Variants in CYTL1 observed in about 807,000 individuals in gnomAD.
CYTL1 encodes cytokine-like protein 1.
CYTL1 carries 17 observed loss-of-function variants against 13.1 expected under a neutral mutation model. That is an observed-to-expected ratio of 1.29 (90% CI 0.89 to 1.94). The LOEUF (loss-of-function observed/expected upper bound fraction) is 1.94, where lower values mean the gene tolerates loss of function less well. CYTL1 is among the 30% of genes most tolerant of loss of function. The probability of loss-of-function intolerance (pLI) is 0.00; values close to 1 mark genes in which losing one functional copy is unlikely to be tolerated. For missense variants in CYTL1, 213 were observed against 174.8 expected, an observed-to-expected ratio of 1.22 and a Z score of -1.23; for synonymous variants, 91 against 79.4, an observed-to-expected ratio of 1.15 and a Z score of -0.78.
At chr4:5,017,289 T>A in intron 1 of CYTL1, 110 bp from the exon 2 acceptor site, 1 of 971,478 alleles carries the variant, frequency 1.0e-6, no homozygotes, top group Non-Finnish European at 1.6e-6. Context: ...CCTGGGGCCC[T>A]CCCTGATGCT....
chr4:5,016,917 C>T lies in CYTL1; in HGVS notation c.246G>A (p.Pro82=), dbSNP rs56264174. Residue 82 remains proline (P), a synonymous_variant, in exon 3 of 4, where the codon CCG becomes CCA. Coordinates refer to ENST00000307746, the MANE Select transcript of CYTL1 (RefSeq NM_018659.3). ...DKLRDFVASP[P]CWKVAQVDSL... is the part of the protein sequence containing the mutation. Reference sequence around the variant, plus strand: ...AATCTACCTGGGCCACTTTCCAACACGGGGGCGAGGCCACAAAGTCCCGCA... The same window carrying T: ...AATCTACCTGGGCCACTTTCCAACATGGGGGCGAGGCCACAAAGTCCCGCA... 4,587 of 1,614,156 alleles carry T rather than the reference C, an allele frequency of 2.8e-3. 101 individuals are homozygous for T. The African/African-American group carries it at 0.048, about 17-fold the overall frequency.
intron 1 of CYTL1, 35 bp downstream of exon 1, chr4:5,019,258 C>T: frequency 7.1e-7 from 1 of 1,411,950 alleles, no homozygotes; most frequent in Non-Finnish European, 9.3e-7. Context: ...CTGGGTCTGC[C>T]ATGCACCCCT....
chr4:5,018,238 T>C (rs995650225), intron 1 of CYTL1, among the ~76,000 whole-genome samples: 1 of 152,172 alleles, frequency 6.6e-6, no homozygotes, highest in Non-Finnish European at 1.5e-5. Context: ...CGTATTTGAA[T>C]ACCTATATGT....
intron 1 of CYTL1, among the ~76,000 whole-genome samples, chr4:5,018,040 C>T (rs1741116073): frequency 6.6e-6 from 1 of 152,148 alleles, no homozygotes; most frequent in South Asian, 2.1e-4. Context: ...AATCAGATTC[C>T]TTTAAAAGAT....
chr4:5,017,771 G>A (rs963621657), intron 1 of CYTL1, among the ~76,000 whole-genome samples: 21 of 152,058 alleles, frequency 1.4e-4, no homozygotes, highest in African/African-American at 4.8e-4. Flanking sequence ...CTAATATGTA[G>A]TTGTATATAG....
intron 1 of CYTL1, among the ~76,000 whole-genome samples, chr4:5,017,682 A>G (rs1741104778): frequency 6.6e-6 from 1 of 151,408 alleles, no homozygotes; most frequent in Non-Finnish European, 1.5e-5. Context: ...GTATAACTGC[A>G]TGTAATTATA....
In CYTL1 at chr4:5,019,328, G is replaced by T; in HGVS notation, c.118C>A (p.Arg40Ser). Reference protein sequence around the residue: ...RMRALSQEITRDFNLLQVSEP... With the variant: ...RMRALSQEITSDFNLLQVSEP... The stretch of plus-strand genomic sequence containing the variant: ...GAGACCTGCAGGAGGTTGAAGTCGC[G>T]GGTGATCTCCTGGCTCAGGGCCCGC... Residue 40 changes from arginine (R) to serine (S), a missense_variant, in exon 1 of 4, where the codon CGC (arginine) becomes AGC (serine). Physicochemically the swap from Arg to Ser is moderately radical, Grantham distance 110. Coordinates refer to ENST00000307746, the MANE Select transcript of CYTL1 (RefSeq NM_018659.3). 1 of 1,513,460 alleles carries T rather than the reference G, an allele frequency of 6.6e-7. No individual in the cohort carries two copies. The allele number at this position is 1,513,460 out of a possible 1,614,324, so 93.8% of individuals were successfully genotyped here.
At chr4:5,016,106 T>C (rs980045985) in intron 3 of CYTL1, among the ~76,000 whole-genome samples, 44 of 152,164 alleles carry the variant, frequency 2.9e-4, no homozygotes, top group African/African-American at 1.1e-3. Flanking sequence ...GTCACTACCT[T>C]GGGAGAGGGT....
Position 5,014,659 on chromosome 4 carries a change from G to A in CYTL1, c.*492C>T, listed in dbSNP as rs8168. 0.013 allele frequency: 2,223 copies of A among 168,414 alleles called. 46 individuals carry two copies. Among genetic ancestry groups the A allele is most frequent in the African/African-American group, 0.049 (2,046 of 41,584 alleles). The allele number at this position is 168,414 out of a possible 1,614,324, so 10.4% of individuals were successfully genotyped here. On this transcript the variant is annotated 3_prime_UTR_variant, in exon 4 of 4. Coordinates refer to ENST00000307746, the MANE Select transcript of CYTL1 (RefSeq NM_018659.3). ...AAAGAGTGGGTCCTGTCAGCACTACGTAAAATATATATCTTAAGAGCATTA... is the reference window on the plus strand; with the variant it reads ...AAAGAGTGGGTCCTGTCAGCACTACATAAAATATATATCTTAAGAGCATTA...
chr4:5,017,225 C>A, intron 1 of CYTL1, 46 bp from the exon 2 acceptor site: 1 of 1,594,398 alleles, frequency 6.3e-7, no homozygotes, highest in South Asian at 1.1e-5. Flanking sequence ...AGGGGCATAC[C>A]TGGTCACAAA....
In CYTL1 at chr4:5,015,067, T is replaced by G; in HGVS notation, c.*84A>C. On this transcript the variant is annotated 3_prime_UTR_variant, in exon 4 of 4. Transcript: ENST00000307746. ...TCAGATACAACTAACACAAGACCTG[T>G]GAGGGTCATGGCTCTGGCCCATTAA... The G allele has an allele frequency of 1.5e-5, 17 of 1,097,856 alleles. No homozygotes were observed. Among genetic ancestry groups the G allele is most frequent in the Non-Finnish European group, 2.4e-5 (17 of 718,084 alleles). The allele number at this position is 1,097,856 out of a possible 1,614,324, so 68.0% of individuals were successfully genotyped here.
intron 1 of CYTL1, 25 bp downstream of exon 1, chr4:5,019,268 T>C: frequency 2.1e-6 from 3 of 1,452,534 alleles, no homozygotes; most frequent in Non-Finnish European, 2.7e-6. Context: ...CATGCACCCC[T>C]GTCCTGAGCG....
intron 1 of CYTL1, 35 bp from the exon 2 acceptor site, chr4:5,017,214 C>T (rs770478225): frequency 6.2e-7 from 1 of 1,606,026 alleles, no homozygotes; most frequent in Non-Finnish European, 8.5e-7. Flanking sequence ...GGGATGCCCA[C>T]AGGGGCATAC....
At position 5,014,904 on chromosome 4, in the gene CYTL1, A is replaced by G; in HGVS notation, c.*247T>C. 2.1e-6 allele frequency: 1 copy of G among 485,650 alleles called. No individual in the cohort carries two copies. The highest frequency in any genetic ancestry group is 3.7e-6 in the Non-Finnish European group (1 of 271,482). The allele number at this position is 485,650 out of a possible 1,614,324, so 30.1% of individuals were successfully genotyped here. On this transcript the variant is annotated 3_prime_UTR_variant, in exon 4 of 4. Transcript: ENST00000307746. ...TCTTCTTTTTAGTGACCAAATCAAC[A>G]TGCTGTGTATCTAACCATCCTGGCA...
chr4:5,017,904 C>T (rs1481481454), intron 1 of CYTL1, among the ~76,000 whole-genome samples: 1 of 152,202 alleles, frequency 6.6e-6, no homozygotes, highest in African/African-American at 2.4e-5. Context: ...CAGTAATCCC[C>T]GTGTGACCAT....
At chr4:5,016,205 T>G (rs929092817) in intron 3 of CYTL1, among the ~76,000 whole-genome samples, 5 of 152,228 alleles carry the variant, frequency 3.3e-5, no homozygotes, top group African/African-American at 9.6e-5. Context: ...CATGGTATGA[T>G]GCAGCAAGAA....
rs1741030755 is a variant in CYTL1 at position 5,014,690 on chromosome 4, T to G, written c.*461A>C. ...TATATATCTTAAGAGCATTAATTTCTTTTTAAATGAAAGACAGTGAAGAAA... is the reference window on the plus strand; with the variant it reads ...TATATATCTTAAGAGCATTAATTTCGTTTTAAATGAAAGACAGTGAAGAAA... On this transcript the variant is annotated 3_prime_UTR_variant, in exon 4 of 4. Coordinates refer to ENST00000307746, the MANE Select transcript of CYTL1 (RefSeq NM_018659.3). The G allele has an allele frequency of 5.3e-6, 1 of 187,198 alleles. No homozygotes were observed. The allele number at this position is 187,198 out of a possible 1,614,324, so 11.6% of individuals were successfully genotyped here. A position where few individuals can be genotyped will look rare whatever the true frequency, so the allele number is the denominator to read the frequency against.
At chr4:5,018,576 C>T (rs1297935474) in intron 1 of CYTL1, among the ~76,000 whole-genome samples, 1 of 152,236 alleles carries the variant, frequency 6.6e-6, no homozygotes, top group Non-Finnish European at 1.5e-5. Context: ...GACGGAGAAG[C>T]AGGCAGAGGC....
chr4:5,017,136 T>G lies in CYTL1; in HGVS notation c.197A>C (p.His66Pro), dbSNP rs369539983. The change falls in exon 2 of 4, where the codon CAC becomes CCC. Residue 66 changes from histidine (H) to proline (P), a missense_variant and splice_region_variant. Transcript: ENST00000307746. Reference protein sequence around the residue: ...RYLPRLYLDIHNYCVLDKLRD... With the variant: ...RYLPRLYLDIPNYCVLDKLRD... ...CTCCCCCAGGGAGAACCCTCTTACG[T>G]GTATGTCCAGGTACAGCCTGGGCAG... The G allele has an allele frequency of 1.1e-5, 17 of 1,613,896 alleles. No individual in the cohort carries two copies. The highest frequency in any genetic ancestry group is 1.4e-5 in the Non-Finnish European group (17 of 1,179,872).
Sources: allele counts gnomAD v4.1 joint callset (sites outside exome capture counted in the v4.1 genomes callset), GRCh38; gene constraint gnomAD v4.1.1; transcripts MANE v1.5; gene names NCBI Gene and HGNC (gene_info 2026-07-23, HGNC 2026-07-21).